EP300: variants seen among roughly 807,000 people sequenced by gnomAD.
EP300 encodes the protein histone acetyltransferase p300.
A neutral mutation model predicts 264.0 loss-of-function variants in EP300; 31 were observed. The ratio of observed to expected loss-of-function variants is 0.12; its 90% CI spans 0.09 to 0.16. The LOEUF is 0.16. Ranked by LOEUF, EP300 falls within the 10% of genes least tolerant of loss-of-function variation. The pLI is 1.00. For missense variants in EP300, 2,766 were observed against 3,052.9 expected (o/e 0.91, Z 2.21); for synonymous variants, 1,340 against 1,045.4 (o/e 1.28, Z -5.44).
intron 1 of EP300, among the ~76,000 whole-genome samples, chr22:41,108,496 G>A (rs1459486238): frequency 1.3e-5 from 2 of 151,992 alleles, no homozygotes; most frequent in Non-Finnish European, 2.9e-5. Flanking sequence ...CAACCCTCCA[G>A]CCTTGGCCTT....
Position 41,173,706 on chromosome 22 carries a change from C to T in EP300, c.4701C>T (p.Asn1567=), listed in dbSNP as rs1569119043. 2 of 1,614,126 alleles carry T rather than the reference C, an allele frequency of 1.2e-6. No individual in the cohort carries two copies. Among genetic ancestry groups the T allele is most frequent in the East Asian group, 2.2e-5 (1 of 44,888 alleles). The change falls in exon 29 of 31, where the codon AAC becomes AAT. Residue 1567 remains asparagine (N), a synonymous_variant. Transcript: ENST00000263253. ...ATAAGAGCAGCCTGAGTAGGGGCAACAAGAAGAAACCCGGGATGCCCAATG... is the reference window on the plus strand; with the variant it reads ...ATAAGAGCAGCCTGAGTAGGGGCAATAAGAAGAAACCCGGGATGCCCAATG... ...SKNKSSLSRG[N]KKKPGMPNVS...
chr22:41,130,180 G>A (rs1443433198), intron 5 of EP300, among the ~76,000 whole-genome samples, 177 bp downstream of exon 5: 1 of 151,342 alleles, frequency 6.6e-6, no homozygotes, highest in Non-Finnish European at 1.5e-5. Flanking sequence ...TGCTTAGGGA[G>A]TTTGAGGCTG....
chr22:41,169,236 A>G (rs2059156582), intron 25 of EP300: 1 of 556,536 alleles, frequency 1.8e-6, no homozygotes, highest in East Asian at 3.1e-5. Flanking sequence ...AGGCAATAAT[A>G]AAAACGTATA....
Position 41,093,019 on chromosome 22 carries a change from G to A in EP300, c.15G>A (p.Val5=), listed in dbSNP as rs1400876948. The change falls in exon 1 of 31, where the codon GTG becomes GTA. Residue 5 remains valine (V), a synonymous_variant. Coordinates refer to ENST00000263253, the MANE Select transcript of EP300 (RefSeq NM_001429.4). The part of the protein sequence containing the change: MAEN[V]VEPGPPSAKR... ...AAGAATTAAAAATGGCCGAGAATGTGGTGGAACCGGGGCCGCCTTCAGCCA... is the reference window on the plus strand; with the variant it reads ...AAGAATTAAAAATGGCCGAGAATGTAGTGGAACCGGGGCCGCCTTCAGCCA... 1 of 1,614,004 alleles carries A rather than the reference G, an allele frequency of 6.2e-7. No homozygotes were observed. The highest frequency in any genetic ancestry group is 1.3e-5 in the African/African-American group (1 of 74,908).
intron 1 of EP300, among the ~76,000 whole-genome samples, chr22:41,105,656 C>T (rs1256132445): frequency 6.6e-6 from 1 of 152,074 alleles, no homozygotes; most frequent in Non-Finnish European, 1.5e-5. Flanking sequence ...CTCGGCCTCC[C>T]AAAGTGTTGG....
At chr22:41,096,849 C>T (rs892385206) in intron 1 of EP300, among the ~76,000 whole-genome samples, 5 of 152,082 alleles carry the variant, frequency 3.3e-5, no homozygotes, top group Non-Finnish European at 7.4e-5. Flanking sequence ...GAACTCCTGA[C>T]CTCAGGTGAT....
chr22:41,163,979 G>T, intron 21 of EP300, 74 bp from the exon 22 acceptor site: 2 of 1,363,604 alleles, frequency 1.5e-6, no homozygotes, highest in South Asian at 2.3e-5. Context: ...TTTGTCAGAA[G>T]TCATGGGAAA....
Position 41,178,490 on chromosome 22 carries a change from A to G in EP300, c.6779A>G (p.Tyr2260Cys). Residue 2260 changes from tyrosine (Y) to cysteine (C), a missense_variant, in exon 31 of 31, where the codon TAT (tyrosine) becomes TGT (cysteine). Transcript: ENST00000263253. ...GAEAGASLQA[Y>C]QQRLLQQQMG... ...GAGGCAGGTGCCAGTCTACAGGCCTATCAGCAGCGACTCCTTCAGCAACAG... is the reference window on the plus strand; with the variant it reads ...GAGGCAGGTGCCAGTCTACAGGCCTGTCAGCAGCGACTCCTTCAGCAACAG... The G allele has an allele frequency of 1.2e-6, 2 of 1,614,018 alleles. No individual in the cohort carries two copies. The highest frequency in any genetic ancestry group is 1.7e-6 in the Non-Finnish European group (2 of 1,180,008).
intron 2 of EP300, among the ~76,000 whole-genome samples, chr22:41,123,756 CT>C (rs2058865132): frequency 1.3e-5 from 2 of 151,656 alleles, no homozygotes; most frequent in Non-Finnish European, 2.9e-5. Context: ...TGGCTTCAAA[CT>C]TTGTTTGGGA....
intron 18 of EP300, 104 bp downstream of exon 18, chr22:41,157,512 C>CATTTTTT (rs2059083808): frequency 2.7e-6 from 1 of 371,034 alleles, no homozygotes; most frequent in Admixed American, 5.0e-5. Flanking sequence ...TTTGACATGG[C>CATTTTTT]TTTTTTTTTT....
chr22:41,151,694 C>T, intron 14 of EP300, 139 bp from the exon 15 acceptor site: 1 of 849,728 alleles, frequency 1.2e-6, no homozygotes, highest in Admixed American at 2.0e-5. Flanking sequence ...ATGGGCAGAG[C>T]AAATGAAAGC....
intron 28 of EP300, 62 bp downstream of exon 28, chr22:41,172,725 C>T (rs2145770756): frequency 2.0e-6 from 3 of 1,537,030 alleles, no homozygotes; most frequent in Non-Finnish European, 2.7e-6. Flanking sequence ...TCCAGAAGTG[C>T]ACTTAAACTT....
intron 7 of EP300, among the ~76,000 whole-genome samples, chr22:41,137,356 CAAAAAA>C (rs35403189): frequency 1.1e-5 from 1 of 92,912 alleles, no homozygotes; most frequent in Non-Finnish European, 2.0e-5. Context: ...GACTTTGTCT[CAAAAAA>C]AAAAAAAAAA....
chr22:41,133,657 C>G (rs1009245916), intron 6 of EP300, among the ~76,000 whole-genome samples: 1 of 152,216 alleles, frequency 6.6e-6, no homozygotes, highest in South Asian at 2.1e-4. Context: ...GGATGCCAAC[C>G]AACCCATACT....
chr22:41,180,003 A>G lies in EP300; in HGVS notation c.*1047A>G. Reference sequence around the variant, plus strand: ...TAAAGTTGATTACTTATAAATATGAACTTTGGATCACTGTATAGACTGTTA... The same window carrying G: ...TAAAGTTGATTACTTATAAATATGAGCTTTGGATCACTGTATAGACTGTTA... On this transcript the variant is annotated 3_prime_UTR_variant, in exon 31 of 31. Transcript: ENST00000263253. The G allele has an allele frequency of 4.3e-6, 1 of 231,052 alleles. No individual in the cohort carries two copies. The highest frequency in any genetic ancestry group is 8.6e-6 in the Non-Finnish European group (1 of 116,458). 14.3% of individuals were successfully genotyped at this position (231,052 alleles called of 1,614,324 possible).
At chr22:41,123,020 A>T (rs547114332) in intron 2 of EP300, among the ~76,000 whole-genome samples, 1 of 152,178 alleles carries the variant, frequency 6.6e-6, no homozygotes, top group Non-Finnish European at 1.5e-5. Context: ...TAGGCAACAG[A>T]GTGAGACCCT....
intron 1 of EP300, among the ~76,000 whole-genome samples, chr22:41,104,244 C>T (rs2058746104): frequency 6.6e-6 from 1 of 151,606 alleles, no homozygotes; most frequent in African/African-American, 2.4e-5. Context: ...TGAGTTGATT[C>T]TTAAGGTGGG....
intron 25 of EP300, chr22:41,169,235 T>C: frequency 1.8e-6 from 1 of 555,440 alleles, no homozygotes; most frequent in Non-Finnish European, 3.2e-6. Flanking sequence ...AAGGCAATAA[T>C]AAAAACGTAT....
rs2059075114 is a variant in EP300 at position 41,156,065 on chromosome 22, G to A, written c.3261+952G>A. 2.0e-5 allele frequency among the ~76,000 whole-genome samples: 3 copies of A among 152,040 alleles called. No individual in the cohort carries two copies. In the South Asian group the frequency reaches 6.2e-4, roughly 32 times the overall value. On this transcript the variant is annotated intron_variant, in intron 17 of 30. Transcript: ENST00000263253. ...TCACTCTTGTTGCCCAGGCTAGAGT[G>A]CAATGGCGCAATCTCAGTTCACCTC...
Sources: allele counts gnomAD v4.1 joint callset (sites outside exome capture counted in the v4.1 genomes callset), GRCh38; gene constraint gnomAD v4.1.1; transcripts MANE v1.5; gene names NCBI Gene and HGNC (gene_info 2026-07-23, HGNC 2026-07-21).